The following VPS50 variants were observed in gnomAD, a reference collection of about 807,000 sequenced individuals.
VPS50 encodes the protein syndetin.
Under a neutral mutation model 139.7 loss-of-function variants are expected in VPS50, and 70 were observed. The observed-to-expected ratio is 0.50, with a 90% CI of 0.41 to 0.61. VPS50 has a LOEUF of 0.61. Ranked by LOEUF, VPS50 falls within the 20% of genes least tolerant of loss-of-function variation. The probability of loss-of-function intolerance (pLI) is 0.00; values close to 1 mark genes in which losing one functional copy is unlikely to be tolerated. For synonymous variants in VPS50, 365 were observed against 376.7 expected, an observed-to-expected ratio of 0.97 and a Z score of 0.36; for missense variants, 921 against 1,133.7, an observed-to-expected ratio of 0.81 and a Z score of 2.69.
intron 6 of VPS50, 144 bp from the exon 7 acceptor site, chr7:93,258,015 G>A: frequency 1.8e-6 from 1 of 569,126 alleles, no homozygotes; most frequent in South Asian, 2.4e-5. Flanking sequence ...ACTGGCCATT[G>A]AGTACATTTG....
intron 18 of VPS50, 96 bp from the exon 19 acceptor site, chr7:93,308,728 C>CTGTT (rs1417572300): frequency 5.3e-5 from 28 of 528,990 alleles, no homozygotes; most frequent in Middle Eastern, 3.4e-4. Context: ...TTGTATTTAG[C>CTGTT]TGTTTCTTAT....
At chr7:93,253,827 T>C in intron 3 of VPS50, 33 bp from the exon 4 acceptor site, 2 of 1,254,032 alleles carry the variant, frequency 1.6e-6, no homozygotes, top group Non-Finnish European at 2.3e-6. Context: ...ACAATTTATT[T>C]TTTCCTCTTC....
chr7:93,328,376 T>C (rs1031340915), intron 21 of VPS50, among the ~76,000 whole-genome samples: 1 of 152,204 alleles, frequency 6.6e-6, no homozygotes, highest in Non-Finnish European at 1.5e-5. Context: ...TGAGCCTCAT[T>C]TAAGGTTACC....
rs200300253 is a variant in VPS50, at chr7:93,356,060, C to T, written c.2755C>T (p.Arg919Trp). Residue 919 changes from arginine to tryptophan, a missense_variant, in exon 27 of 28, where the codon CGG (arginine) becomes TGG (tryptophan). Transcript: ENST00000305866. ...AYYLTENDME[R>W]WIKEHREYST... is the part of the protein sequence containing the mutation. ...TTACCTAACTGAGAATGACATGGAACGGTGGATCAAAGAGCACAGGGTGAG... is the reference window on the plus strand; with the variant it reads ...TTACCTAACTGAGAATGACATGGAATGGTGGATCAAAGAGCACAGGGTGAG... 55 of 1,508,900 alleles carry T rather than the reference C, an allele frequency of 3.6e-5. No homozygotes were observed. Among genetic ancestry groups the T allele is most frequent in the East Asian group, 1.4e-4 (6 of 43,106 alleles). 93.5% of individuals were successfully genotyped at this position (1,508,900 alleles called of 1,614,324 possible).
intron 22 of VPS50, among the ~76,000 whole-genome samples, chr7:93,341,159 T>C (rs1235320065): frequency 5.9e-5 from 9 of 152,054 alleles, no homozygotes. Flanking sequence ...TGTCAATTCA[T>C]AAAGAGTCCT....
intron 26 of VPS50, among the ~76,000 whole-genome samples, chr7:93,355,163 T>C (rs1798670261): frequency 6.6e-6 from 1 of 152,022 alleles, no homozygotes; most frequent in Non-Finnish European, 1.5e-5. Context: ...AAAATAAGCT[T>C]TTATTTTCTT....
At chr7:93,235,290 A>G (rs1794766066) in intron 1 of VPS50, among the ~76,000 whole-genome samples, 2 of 152,212 alleles carry the variant, frequency 1.3e-5, no homozygotes, top group Admixed American at 6.5e-5. Flanking sequence ...AGATGACTGA[A>G]GGCAGGAAGC....
At chr7:93,334,026 T>G (rs766406395) in intron 21 of VPS50, 91 bp from the exon 22 acceptor site, 11 of 789,072 alleles carry the variant, frequency 1.4e-5, no homozygotes, top group Non-Finnish European at 2.0e-5. Context: ...AGTATCTGAG[T>G]GAAAACTCAT....
Position 93,304,334 on chromosome 7 carries a change from GTT to G in VPS50, c.1452+792_1452+793del, listed in dbSNP as rs924375937. Reference sequence around the variant, plus strand: ...AAATGTAAAGAATACATAATTACAAGTTTTTTTTTGATAGGGATTGTCTTTAT... The same window carrying G: ...AAATGTAAAGAATACATAATTACAAGTTTTTTTGATAGGGATTGTCTTTAT... On this transcript the variant is annotated intron_variant, in intron 17 of 27. Coordinates refer to ENST00000305866, the MANE Select transcript of VPS50 (RefSeq NM_017667.4). Among the ~76,000 whole-genome samples the G allele has an allele frequency of 5.3e-5, 8 of 150,998 alleles. No homozygotes were observed. In the East Asian group the frequency reaches 1.6e-3, roughly 29 times the overall value.
intron 1 of VPS50, among the ~76,000 whole-genome samples, chr7:93,237,132 ATTT>A (rs1046208814): frequency 4.1e-5 from 6 of 146,512 alleles, no homozygotes; most frequent in Non-Finnish European, 9.0e-5. Context: ...TTTTTTTTGT[ATTT>A]TTAGTAGAGA....
At chr7:93,268,807 T>G (rs1795920260) in intron 9 of VPS50, among the ~76,000 whole-genome samples, 1 of 152,196 alleles carries the variant, frequency 6.6e-6, no homozygotes, top group Admixed American at 6.5e-5. Context: ...TCGTGAATAG[T>G]GCTGCAGTGA....
At chr7:93,276,496 A>T in intron 12 of VPS50, 191 bp downstream of exon 12, 1 of 854,856 alleles carries the variant, frequency 1.2e-6, no homozygotes, top group Non-Finnish European at 1.6e-6. Context: ...CAAATGGTAA[A>T]GGTTACTGAG....
intron 21 of VPS50, among the ~76,000 whole-genome samples, chr7:93,328,940 C>T (rs984128185): frequency 3.3e-5 from 5 of 152,018 alleles, no homozygotes; most frequent in Admixed American, 2.6e-4. Flanking sequence ...AAAATATAAA[C>T]GGAGACCAAA....
intron 8 of VPS50, among the ~76,000 whole-genome samples, chr7:93,258,958 A>C (rs181598143): frequency 1.2e-4 from 18 of 152,138 alleles, no homozygotes; most frequent in Admixed American, 2.6e-4. Context: ...CATAGGGAAA[A>C]GTTTTTGTGG....
At chr7:93,321,403 C>CT (rs1663373272) in intron 20 of VPS50, among the ~76,000 whole-genome samples, 1 of 152,168 alleles carries the variant, frequency 6.6e-6, no homozygotes, top group African/African-American at 2.4e-5. Context: ...CGTCTGCTGT[C>CT]TGCCTGTTCT....
intron 20 of VPS50, among the ~76,000 whole-genome samples, chr7:93,318,083 AATAC>A (rs569553039): frequency 1.2e-3 from 182 of 151,344 alleles, no homozygotes; most frequent in Middle Eastern, 3.5e-3. Context: ...TATATTATAT[AATAC>A]ATACTATATG....
chr7:93,280,376 C>T (rs1374489421), intron 12 of VPS50, among the ~76,000 whole-genome samples: 3 of 151,926 alleles, frequency 2.0e-5, no homozygotes, highest in African/African-American at 4.8e-5. Context: ...CCAAATAAAT[C>T]GCTAAAACTT....
At chr7:93,314,842 T>C (rs1797376903) in intron 20 of VPS50, among the ~76,000 whole-genome samples, 1 of 152,068 alleles carries the variant, frequency 6.6e-6, no homozygotes. Context: ...ATTCTTTTCA[T>C]TGGGGGAAGG....
chr7:93,233,447 T>C (rs1355755742), intron 1 of VPS50, among the ~76,000 whole-genome samples: 1 of 152,200 alleles, frequency 6.6e-6, no homozygotes, highest in Non-Finnish European at 1.5e-5. Flanking sequence ...TTCTTGTTGA[T>C]TACAAAAATA....
Sources: allele counts gnomAD v4.1 joint callset (sites outside exome capture counted in the v4.1 genomes callset), GRCh38; gene constraint gnomAD v4.1.1; transcripts MANE v1.5; gene names NCBI Gene and HGNC (gene_info 2026-07-23, HGNC 2026-07-21).